The following KLRC1 variants were observed in gnomAD, a reference collection of about 807,000 sequenced individuals.
The protein encoded by KLRC1 is NKG2-A/NKG2-B type II integral membrane protein.
In KLRC1, 22 loss-of-function variants were observed where a neutral mutation model predicts 25.9. The observed-to-expected ratio is 0.85, with a 90% CI of 0.61 to 1.21. KLRC1 has a LOEUF of 1.21. Among genes scored for constraint, KLRC1 ranks in the 50% most tolerant of loss-of-function variants. The pLI is 0.00. For synonymous variants in KLRC1, 77 were observed against 93.1 expected (o/e 0.83, Z 0.99); for missense variants, 240 against 272.2 (o/e 0.88, Z 0.83).
chr12:10,451,144 C>G lies in KLRC1; in HGVS notation c.13G>C (p.Gly5Arg), dbSNP rs756309117. ...AGATTCAGGTCTGAGTAGATTACTC[C>G]TTGGTTATCCATCTCTGCAGTGTGT... Reference protein sequence around the residue: MDNQGVIYSDLNLPP... With the variant: MDNQRVIYSDLNLPP... Residue 5 changes from glycine (G) to arginine (R), a missense_variant, in exon 2 of 7, where the codon GGA becomes CGA. Physicochemically the swap from Gly to Arg is moderately radical, Grantham distance 125. Coordinates refer to ENST00000359151, the MANE Select transcript of KLRC1 (RefSeq NM_002259.5). 8.1e-6 allele frequency: 13 copies of G among 1,612,964 alleles called. No individual in the cohort carries two copies. The South Asian group carries it at 1.4e-4, about 18-fold the overall frequency.
At chr12:10,446,748 T>C in intron 6 of KLRC1, 86 bp from the exon 7 acceptor site, 6 of 1,433,704 alleles carry the variant, frequency 4.2e-6, no homozygotes, top group Non-Finnish European at 4.9e-6. Context: ...TGTAAGAAAA[T>C]AATTTCATGG....
At chr12:10,454,508 A>C (rs1864177743), upstream of KLRC1, 1 of 535,402 alleles carries the variant, frequency 1.9e-6, no homozygotes, top group Non-Finnish European at 2.4e-6. Flanking sequence ...GTAGACCCTG[A>C]AACAGCCCTC....
downstream of KLRC1, among the ~76,000 whole-genome samples, chr12:10,444,522 C>G (rs1318731365): frequency 1.3e-5 from 2 of 152,142 alleles, no homozygotes; most frequent in Admixed American, 1.3e-4. Context: ...ATGGTCTTTA[C>G]AGTTATTTAG....
At chr12:10,448,930 T>A (rs1469023263) in intron 5 of KLRC1, among the ~76,000 whole-genome samples, 2 of 152,192 alleles carry the variant, frequency 1.3e-5, no homozygotes, top group Admixed American at 1.3e-4. Context: ...AGGAGTTCAT[T>A]CACTTTGTGA....
chr12:10,450,904 C>T (rs2137897180), intron 2 of KLRC1, 66 bp downstream of exon 2: 2 of 1,219,666 alleles, frequency 1.6e-6, no homozygotes, highest in South Asian at 3.0e-5. Context: ...TTCTCTTTCC[C>T]CACATTCCTG....
Position 10,449,982 on chromosome 12 carries a change from G to T in KLRC1, c.284-15C>A. The T allele has an allele frequency of 6.9e-7, 1 of 1,441,372 alleles. No individual in the cohort carries two copies. The highest frequency in any genetic ancestry group is 1.5e-5 in the African/African-American group (1 of 66,834). 89.3% of individuals were successfully genotyped at this position (1,441,372 alleles called of 1,614,324 possible). On this transcript the variant is annotated splice_polypyrimidine_tract_variant and intron_variant, in intron 3 of 6. Transcript: ENST00000359151. Reference sequence around the variant, plus strand: ...TATTAATGTAGCTAGAAAAATTAAAGTAATCTTTGTAAAAAAATTAGCATC... The same window carrying T: ...TATTAATGTAGCTAGAAAAATTAAATTAATCTTTGTAAAAAAATTAGCATC...
At position 10,446,554 on chromosome 12, in the gene KLRC1, A is replaced by C; in HGVS notation, c.699T>G (p.Leu233=). The change falls in exon 7 of 7, where the codon CTT becomes CTG. Residue 233 remains leucine (L), a synonymous_variant. Transcript: ENST00000359151. ...SSIIYHCKHK[L] Reference sequence around the variant, plus strand: ...TGCAAATGCAAACGCTTTACCTCTAAAGCTTATGCTTACAATGATATATTA... The same window carrying C: ...TGCAAATGCAAACGCTTTACCTCTACAGCTTATGCTTACAATGATATATTA... The C allele has an allele frequency of 6.2e-7, 1 of 1,613,174 alleles. No homozygotes were observed. Among genetic ancestry groups the C allele is most frequent in the Non-Finnish European group, 8.5e-7 (1 of 1,179,548 alleles).
In KLRC1 at chr12:10,451,009, GAGA is replaced by G; in HGVS notation, c.145_147del (p.Ser49del). The G allele has an allele frequency of 6.2e-7, 1 of 1,613,428 alleles. No individual in the cohort carries two copies. Among genetic ancestry groups the G allele is most frequent in the Non-Finnish European group, 8.5e-7 (1 of 1,179,712 alleles). ...GTTTTGTCATTCCCTTGAAAATCCT[GAGA>G]AGCTTTTTGAAGGTTTAATTCCGCA... On this transcript the variant is annotated inframe_deletion, in exon 2 of 7. Coordinates refer to ENST00000359151, the MANE Select transcript of KLRC1 (RefSeq NM_002259.5).
At chr12:10,452,887 AG>A (rs929105066) in intron 1 of KLRC1, among the ~76,000 whole-genome samples, 2 of 152,212 alleles carry the variant, frequency 1.3e-5, no homozygotes, top group Non-Finnish European at 2.9e-5. Context: ...TATTATTCAA[AG>A]ATACATGATG....
At chr12:10,444,594 T>C (rs932007965), downstream of KLRC1, among the ~76,000 whole-genome samples, 7 of 152,234 alleles carry the variant, frequency 4.6e-5, no homozygotes, top group African/African-American at 1.2e-4. Flanking sequence ...AATTCATACA[T>C]ACTCATTACC....
rs2137901870 is a variant in KLRC1 at position 10,453,198 on chromosome 12, C to T, written c.-32G>A. 1.0e-6 allele frequency: 1 copy of T among 984,644 alleles called. No homozygotes were observed. The highest frequency in any genetic ancestry group is 4.7e-5 in the South Asian group (1 of 21,260). The allele number at this position is 984,644 out of a possible 1,614,324, so 61.0% of individuals were successfully genotyped here. On this transcript the variant is annotated splice_region_variant and 5_prime_UTR_variant, in exon 1 of 7. Transcript: ENST00000359151. ...AGAGTTGGAGAGTAGCAATACATACCTTCTGTCCCCAGAAAGTCACACATC... is the reference window on the plus strand; with the variant it reads ...AGAGTTGGAGAGTAGCAATACATACTTTCTGTCCCCAGAAAGTCACACATC...
chr12:10,451,317 G>T, intron 1 of KLRC1, 130 bp from the exon 2 acceptor site: 1 of 499,482 alleles, frequency 2.0e-6, no homozygotes, highest in Non-Finnish European at 3.2e-6. Flanking sequence ...TTCTTTCTCT[G>T]ATTTTCTTCA....
intron 1 of KLRC1, among the ~76,000 whole-genome samples, chr12:10,452,346 T>C (rs1967432): frequency 0.54 from 81,379 of 151,976 alleles, 23,958 homozygotes; most frequent in Non-Finnish European, 0.65. Flanking sequence ...TTTCAGATAA[T>C]GTAATTAAAT....
At chr12:10,452,539 G>A (rs1048811743) in intron 1 of KLRC1, among the ~76,000 whole-genome samples, 1 of 152,076 alleles carries the variant, frequency 6.6e-6, no homozygotes, top group Non-Finnish European at 1.5e-5. Flanking sequence ...GGCACTTAAA[G>A]TTCTCAATAA....
chr12:10,444,061 TG>T (rs1164087190), downstream of KLRC1, among the ~76,000 whole-genome samples: 1 of 136,650 alleles, frequency 7.3e-6, no homozygotes, highest in Non-Finnish European at 1.6e-5. Flanking sequence ...TCAAAATGAA[TG>T]GTCACAATTT....
At chr12:10,450,096 A>C in intron 3 of KLRC1, 129 bp from the exon 4 acceptor site, 2 of 772,780 alleles carry the variant, frequency 2.6e-6, no homozygotes, top group Non-Finnish European at 3.6e-6. Flanking sequence ...TGATTTTAAG[A>C]AAAATTTGAT....
At chr12:10,448,402 C>G (rs1006041527) in intron 5 of KLRC1, among the ~76,000 whole-genome samples, 19 of 152,198 alleles carry the variant, frequency 1.2e-4, no homozygotes, top group African/African-American at 4.3e-4. Context: ...GGAGTCCCCT[C>G]CGCAACAACA....
rs2137893777 is a variant in KLRC1, at chr12:10,449,347, A to T, written c.379T>A (p.Ser127Thr). 2 of 1,613,932 alleles carry T rather than the reference A, an allele frequency of 1.2e-6. No homozygotes were observed. The highest frequency in any genetic ancestry group is 1.7e-4 in the Middle Eastern group (1 of 6,058). The part of the protein sequence containing the change: ...GHCPEEWITY[S>T]NSCYYIGKER... ...TTACCAATGTAGTAACAACTGTTGG[A>T]ATATGTAATCCACTCCTCAGGACAA... Residue 127 changes from serine to threonine, a missense_variant, in exon 5 of 7, where the codon TCC becomes ACC. Ser to Thr is a moderately conservative substitution (Grantham distance 58, BLOSUM62 1). Coordinates refer to ENST00000359151, the MANE Select transcript of KLRC1 (RefSeq NM_002259.5).
chr12:10,450,897 T>G, intron 2 of KLRC1, 73 bp downstream of exon 2: 1 of 1,134,912 alleles, frequency 8.8e-7, no homozygotes, highest in Admixed American at 2.3e-5. Context: ...CACTCCCTTC[T>G]CTTTCCCCAC....
Sources: allele counts gnomAD v4.1 joint callset (sites outside exome capture counted in the v4.1 genomes callset), GRCh38; gene constraint gnomAD v4.1.1; transcripts MANE v1.5; gene names NCBI Gene and HGNC (gene_info 2026-07-23, HGNC 2026-07-21).